Variants in KIF25 observed in about 807,000 individuals in gnomAD.
KIF25 encodes kinesin family member 25.
KIF25 carries 19 observed loss-of-function variants against 32.9 expected under a neutral mutation model. That is an observed-to-expected ratio of 0.58 (90% confidence interval 0.40 to 0.85). The LOEUF (loss-of-function observed/expected upper bound fraction) is 0.85, where lower values mean the gene tolerates loss of function less well. Among genes scored for constraint, KIF25 ranks in the 40% least tolerant of loss-of-function variants. KIF25 has a pLI of 0.00. For synonymous variants in KIF25, 225 were observed against 213.7 expected (o/e 1.05, Z -0.46); for missense variants, 485 against 507.0 (o/e 0.96, Z 0.42).
rs949205479 is a variant in KIF25 at position 167,999,092 on chromosome 6, G to C, written c.-598G>C. The C allele has an allele frequency of 6.6e-6, 1 of 152,232 alleles. No homozygotes were observed. Among genetic ancestry groups the C allele is most frequent in the Non-Finnish European group, 1.5e-5 (1 of 68,080 alleles). The allele number at this position is 152,232 out of a possible 1,614,324, so 9.4% of individuals were successfully genotyped here. A position where few individuals can be genotyped will look rare whatever the true frequency, so the allele number is the denominator to read the frequency against. ...AAAATAACTGTTCACTACCCTGCAG[G>C]GGTCTTTCGAAGTGGAGACAGGTGC... On this transcript the variant is annotated splice_region_variant and 5_prime_UTR_variant, in exon 2 of 13. Transcript: ENST00000643607.
At chr6:168,007,625 A>G (rs1044309446) in intron 4 of KIF25, among the ~76,000 whole-genome samples, 4 of 152,198 alleles carry the variant, frequency 2.6e-5, no homozygotes, top group Non-Finnish European at 5.9e-5. Context: ...AGCTGGCCGA[A>G]AATAGCTGGA....
chr6:168,004,681 G>C (rs1432823926), intron 4 of KIF25, among the ~76,000 whole-genome samples: 2 of 152,138 alleles, frequency 1.3e-5, no homozygotes, highest in African/African-American at 2.4e-5. Context: ...TCACGATGAG[G>C]GTTCAGGGTT....
chr6:168,008,277 C>T (rs1020717027), intron 4 of KIF25, among the ~76,000 whole-genome samples: 1 of 152,178 alleles, frequency 6.6e-6, no homozygotes, highest in Non-Finnish European at 1.5e-5. Flanking sequence ...GGTCTAGTTT[C>T]ATTCTTCTGT....
At chr6:168,027,474 AAGAG>A (rs1270030898) in intron 5 of KIF25, among the ~76,000 whole-genome samples, 3 of 140,594 alleles carry the variant, frequency 2.1e-5, no homozygotes, top group African/African-American at 5.3e-5. Flanking sequence ...AAAAAAAAAA[AAGAG>A]AGAGAGAGAA....
chr6:168,002,084 C>T (rs1337126419), intron 2 of KIF25, among the ~76,000 whole-genome samples: 9 of 77,426 alleles, frequency 1.2e-4, no homozygotes, highest in Non-Finnish European at 1.9e-4. Context: ...CACCTTCAGG[C>T]GTAGCCTCGG....
chr6:168,033,446 G>A (rs940052650), intron 7 of KIF25, among the ~76,000 whole-genome samples: 5 of 149,472 alleles, frequency 3.3e-5, no homozygotes, highest in African/African-American at 4.9e-5. Flanking sequence ...GTTGCAATGA[G>A]CCAAAATTGT....
At chr6:168,041,292 C>G (rs1000517887) in intron 10 of KIF25, among the ~76,000 whole-genome samples, 2 of 152,196 alleles carry the variant, frequency 1.3e-5, no homozygotes, top group African/African-American at 4.8e-5. Flanking sequence ...GACAATAGCC[C>G]CTGGCCAGCC....
At chr6:168,021,424 C>G (rs1054284408) in intron 5 of KIF25, among the ~76,000 whole-genome samples, 2 of 152,210 alleles carry the variant, frequency 1.3e-5, no homozygotes, top group Non-Finnish European at 2.9e-5. Flanking sequence ...GAAGTTTTCC[C>G]CTTTCTCTCT....
intron 4 of KIF25, among the ~76,000 whole-genome samples, chr6:168,012,981 G>A (rs1458048764): frequency 4.0e-5 from 6 of 151,408 alleles, no homozygotes; most frequent in Admixed American, 2.0e-4. Context: ...TGAACTATGC[G>A]GCTGTTTCTT....
intron 4 of KIF25, among the ~76,000 whole-genome samples, chr6:168,016,687 CT>C (rs2114880115): frequency 6.6e-6 from 1 of 152,400 alleles, no homozygotes; most frequent in East Asian, 1.9e-4. Flanking sequence ...ACTTCATCTG[CT>C]TTCTTCTTTT....
At position 168,045,007 on chromosome 6, in the gene KIF25, A is replaced by G. The variant is rs779202583; in HGVS notation, c.*11A>G. The G allele has an allele frequency of 1.9e-6, 3 of 1,578,528 alleles. No homozygotes were observed. In the Admixed American group the frequency reaches 5.6e-5, roughly 29 times the overall value. Reference sequence around the variant, plus strand: ...AGGAGGCCGGATTGAATGCATTAACAAGTTTTTCTCCTAAAACTGTGTTTC... The same window carrying G: ...AGGAGGCCGGATTGAATGCATTAACGAGTTTTTCTCCTAAAACTGTGTTTC... On this transcript the variant is annotated 3_prime_UTR_variant, in exon 13 of 13. Coordinates refer to ENST00000643607, the MANE Select transcript of KIF25 (RefSeq NM_030615.4).
intron 2 of KIF25, among the ~76,000 whole-genome samples, chr6:167,999,886 G>A (rs1014661668): frequency 6.6e-6 from 1 of 151,302 alleles, no homozygotes; most frequent in Non-Finnish European, 1.5e-5. Flanking sequence ...AAACCCCCTG[G>A]AAATCCCCAC....
chr6:168,040,065 G>T lies in KIF25; in HGVS notation c.495G>T (p.Glu165Asp). 6.2e-7 allele frequency: 1 copy of T among 1,611,632 alleles called. No homozygotes were observed. The highest frequency in any genetic ancestry group is 8.5e-7 in the Non-Finnish European group (1 of 1,178,740). The change falls in exon 10 of 13, where the codon GAG becomes GAT. Residue 165 changes from glutamate to aspartate, a missense_variant and splice_region_variant. Glu to Asp is a conservative substitution (Grantham distance 45). This residue lies in a region of KIF25 where 480 missense variants were observed against 470.3 expected (regional missense o/e 1.02). Transcript: ENST00000643607. ...GRTEVALLASEAVGSASKLME... is the reference protein window; with the variant it reads ...GRTEVALLASDAVGSASKLME... Reference sequence around the variant, plus strand: ...TCCCCACTGCTTGCCTTGTCTGTAGGGCTGTCGGCAGCGCCTCGAAACTGA... The same window carrying T: ...TCCCCACTGCTTGCCTTGTCTGTAGTGCTGTCGGCAGCGCCTCGAAACTGA...
At chr6:168,037,219 A>C (rs1486518085) in intron 8 of KIF25, among the ~76,000 whole-genome samples, 1 of 152,178 alleles carries the variant, frequency 6.6e-6, no homozygotes, top group Non-Finnish European at 1.5e-5. Flanking sequence ...TTTTTACCTG[A>C]GAGTTTTACT....
rs571342633 is a variant in KIF25 at position 168,040,110 on chromosome 6, T to C, written c.540T>C (p.Gly180=). The change falls in exon 10 of 13, where the codon GGT becomes GGC. Residue 180 remains glycine, a synonymous_variant. Coordinates refer to ENST00000643607, the MANE Select transcript of KIF25 (RefSeq NM_030615.4). The part of the protein sequence containing the change: ...ASKLMELVHG[G]LQLRAKHPTL... Reference sequence around the variant, plus strand: ...AACTGATGGAGCTCGTTCATGGAGGTCTGCAGCTCAGGGCGAAGCACCCCA... The same window carrying C: ...AACTGATGGAGCTCGTTCATGGAGGCCTGCAGCTCAGGGCGAAGCACCCCA... The C allele has an allele frequency of 4.5e-5, 73 of 1,613,858 alleles. 1 individual carries two copies. The South Asian group carries it at 7.6e-4, about 17-fold the overall frequency.
At chr6:168,012,102 C>T (rs1798654924) in intron 4 of KIF25, among the ~76,000 whole-genome samples, 1 of 151,880 alleles carries the variant, frequency 6.6e-6, no homozygotes, top group African/African-American at 2.4e-5. Context: ...TTTCTATGTT[C>T]ATTGAATTGT....
chr6:168,034,880 CG>C (rs1462290122), intron 8 of KIF25, among the ~76,000 whole-genome samples: 1 of 152,056 alleles, frequency 6.6e-6, no homozygotes, highest in African/African-American at 2.4e-5. Context: ...TCTCAGTGGC[CG>C]GGCGCGGTGG....
intron 8 of KIF25, among the ~76,000 whole-genome samples, chr6:168,036,446 T>C (rs1799027400): frequency 6.6e-6 from 1 of 152,196 alleles, no homozygotes; most frequent in African/African-American, 2.4e-5. Context: ...GCTGCGTGCA[T>C]TGGAATCACA....
Position 168,038,784 on chromosome 6 carries a change from C to T in KIF25, c.494+55C>T, listed in dbSNP as rs1348439366. 43 of 1,562,292 alleles carry T rather than the reference C, an allele frequency of 2.8e-5. No individual in the cohort carries two copies. The East Asian group carries it at 4.3e-4, about 16-fold the overall frequency. The stretch of plus-strand genomic sequence containing the variant: ...GCCTCTGAGTGAGAATGGCACCTGC[C>T]CCTCCCACCTGGTCAGGAGGCTGCA... On this transcript the variant is annotated intron_variant, in intron 9 of 12. Coordinates refer to ENST00000643607, the MANE Select transcript of KIF25 (RefSeq NM_030615.4).
Sources: gnomAD v4.1 joint callset for allele counts (sites outside exome capture counted in the v4.1 genomes callset) on GRCh38, gnomAD v4.1.1 for gene constraint, gnomAD v4.1.1 regional missense constraint, MANE v1.5 for transcripts, NCBI Gene and HGNC (gene_info 2026-07-23, HGNC 2026-07-21) for gene names.